Variants in TTC39B observed in about 807,000 individuals in gnomAD.
The protein encoded by TTC39B is tetratricopeptide repeat domain 39B.
TTC39B carries 92 observed loss-of-function variants against 96.6 expected under a neutral mutation model. The observed-to-expected ratio is 0.95, with a 90% CI of 0.80 to 1.13. TTC39B has a LOEUF of 1.13. TTC39B is among the 50% of genes most tolerant of loss of function. TTC39B has a pLI of 0.00. For missense variants in TTC39B, 955 were observed against 809.3 expected, an observed-to-expected ratio of 1.18 and a Z score of -2.18; for synonymous variants, 367 against 299.4, an observed-to-expected ratio of 1.23 and a Z score of -2.33.
chr9:15,302,539 C>CAAAAAAAAAA (rs145173046), intron 1 of TTC39B, among the ~76,000 whole-genome samples: 1 of 46,760 alleles, frequency 2.1e-5, no homozygotes, highest in Non-Finnish European at 3.4e-5. Context: ...GATTCCGTCT[C>CAAAAAAAAAA]AAAAAAAAAA....
At chr9:15,189,747 G>A (rs768115369) in exon 12 of TTC39B, 1 of 1,613,822 alleles carries the variant, frequency 6.2e-7, no homozygotes, top group Non-Finnish European at 8.5e-7. Context: ...CTGGAGGAAG[G>A]GTGCCAGGAG....
chr9:15,202,610 G>C (rs1004233571), intron 7 of TTC39B, among the ~76,000 whole-genome samples: 1 of 151,850 alleles, frequency 6.6e-6, no homozygotes, highest in Admixed American at 6.6e-5. Context: ...TACTCGGGGG[G>C]CTGAGACAGA....
chr9:15,302,663 C>T (rs960304736), intron 1 of TTC39B, among the ~76,000 whole-genome samples: 7 of 148,114 alleles, frequency 4.7e-5, no homozygotes, highest in Non-Finnish European at 1.0e-4. Context: ...GGCCAACGTG[C>T]TGAAACTCTG....
chr9:15,189,667 A>G, intron 12 of TTC39B, 34 bp from the exon 13 acceptor site: 1 of 1,614,118 alleles, frequency 6.2e-7, no homozygotes, highest in Non-Finnish European at 8.5e-7. Context: ...ACTGTTCAAC[A>G]GTCAACACTG....
At chr9:15,300,822 G>A (rs1302519021) in intron 1 of TTC39B, among the ~76,000 whole-genome samples, 7 of 140,304 alleles carry the variant, frequency 5.0e-5, no homozygotes, top group African/African-American at 1.5e-4. Flanking sequence ...GGCTGTGGGG[G>A]CAGAGGTTGC....
At chr9:15,302,941 G>A (rs1430950766) in intron 1 of TTC39B, among the ~76,000 whole-genome samples, 3 of 152,084 alleles carry the variant, frequency 2.0e-5, no homozygotes, top group South Asian at 2.1e-4. Context: ...AGGCTGAGGC[G>A]GCCGGATCAC....
chr9:15,169,435 C>T (rs1202639160), exon 20 of TTC39B: 2 of 151,924 alleles, frequency 1.3e-5, no homozygotes, highest in Non-Finnish European at 2.9e-5. Context: ...AACCCTGCCT[C>T]TCCATTAAGG....
chr9:15,240,737 G>C (rs1245500892), intron 2 of TTC39B, among the ~76,000 whole-genome samples: 3 of 152,124 alleles, frequency 2.0e-5, no homozygotes. Flanking sequence ...GAAGAAGTCA[G>C]AATACATCAC....
chr9:15,287,091 G>C (rs1028039106), intron 1 of TTC39B, among the ~76,000 whole-genome samples: 3 of 152,316 alleles, frequency 2.0e-5, no homozygotes, highest in Admixed American at 2.0e-4. Context: ...TTATTAAAAT[G>C]AGGATATTGG....
exon 18 of TTC39B, chr9:15,177,728 C>T (rs1289987174): frequency 6.2e-7 from 1 of 1,613,484 alleles, no homozygotes; most frequent in Non-Finnish European, 8.5e-7. Flanking sequence ...CATAGTTCAG[C>T]TTGCAAGGGC....
At chr9:15,191,780 A>G (rs1818871482) in intron 9 of TTC39B, among the ~76,000 whole-genome samples, 1 of 152,188 alleles carries the variant, frequency 6.6e-6, no homozygotes, top group Admixed American at 6.5e-5. Context: ...CAGATGTGCA[A>G]TTATATGCTG....
intron 1 of TTC39B, among the ~76,000 whole-genome samples, chr9:15,269,550 TA>T (rs1409417184): frequency 7.2e-5 from 11 of 152,002 alleles, no homozygotes. Context: ...AACAAAAGTG[TA>T]AATACTAAAA....
At position 15,218,635 on chromosome 9, in the gene TTC39B, A is replaced by AATATATATATATATATAT. The variant is rs1554774372; in HGVS notation, c.372-4387_372-4386insATATATATATATATATAT. On this transcript the variant is annotated intron_variant, in intron 3 of 19. Coordinates refer to ENST00000512701, the Ensembl canonical transcript of TTC39B. ...AGGATGAATTTTTTAGTCTATTTTAAATATATATATATAATGAACACATAA... is the reference window on the plus strand; with the variant it reads ...AGGATGAATTTTTTAGTCTATTTTAAATATATATATATATATATATATATATATATAATGAACACATAA... 5.4e-5 allele frequency among the ~76,000 whole-genome samples: 8 copies of AATATATATATATATATAT among 149,446 alleles called. No homozygotes were observed. The South Asian group carries it at 6.3e-4, about 12-fold the overall frequency.
chr9:15,201,417 G>C (rs1017293138), intron 7 of TTC39B, among the ~76,000 whole-genome samples: 1 of 152,156 alleles, frequency 6.6e-6, no homozygotes, highest in African/African-American at 2.4e-5. Context: ...CACGGGGACG[G>C]GATCATGCAT....
chr9:15,212,662 G>A (rs779113460), intron 4 of TTC39B, among the ~76,000 whole-genome samples: 3 of 152,004 alleles, frequency 2.0e-5, no homozygotes, highest in Non-Finnish European at 2.9e-5. Context: ...CCCGACCTCA[G>A]GTGATCCATC....
chr9:15,167,203 A>ATTT (rs35735770), exon 20 of TTC39B: 3 of 43,946 alleles, frequency 6.8e-5, no homozygotes, highest in Admixed American at 3.4e-4. Context: ...TGCACGGCTC[A>ATTT]TTTTTTTTTT....
chr9:15,268,105 C>T (rs534761333), intron 1 of TTC39B, among the ~76,000 whole-genome samples, 157 bp from the exon 2 acceptor site: 89 of 152,042 alleles, frequency 5.9e-4, no homozygotes, highest in African/African-American at 2.1e-3. Flanking sequence ...TTATGGAATT[C>T]TGTTTACAGA....
chr9:15,283,550 C>G (rs1431896629), intron 1 of TTC39B, among the ~76,000 whole-genome samples: 2 of 79,084 alleles, frequency 2.5e-5, no homozygotes, highest in African/African-American at 3.3e-5. Flanking sequence ...ATACAGAGAA[C>G]TCAGTCAATA....
intron 7 of TTC39B, among the ~76,000 whole-genome samples, chr9:15,202,578 G>A (rs1819603749): frequency 6.6e-6 from 1 of 151,966 alleles, no homozygotes. Context: ...CAGGCATGGT[G>A]GCACACGTCT....
Sources: gnomAD v4.1 joint callset for allele counts (sites outside exome capture counted in the v4.1 genomes callset) on GRCh38, gnomAD v4.1.1 for gene constraint, MANE v1.5 for transcripts, NCBI Gene and HGNC (gene_info 2026-07-23, HGNC 2026-07-21) for gene names.